The following BRMS1L variants were observed in gnomAD, a reference collection of about 807,000 sequenced individuals.
BRMS1L encodes the protein BRMS1 like transcriptional repressor.
In BRMS1L, 23 loss-of-function variants were observed where a neutral mutation model predicts 50.3. The ratio of observed to expected loss-of-function variants is 0.46; its 90% confidence interval spans 0.33 to 0.65. The LOEUF (loss-of-function observed/expected upper bound fraction) is 0.65, where lower values mean the gene tolerates loss of function less well. Ranked by LOEUF, BRMS1L falls within the 30% of genes least tolerant of loss-of-function variation. The pLI, the probability that BRMS1L is intolerant of heterozygous loss-of-function variation, is 0.02. For synonymous variants in BRMS1L, 114 were observed against 126.9 expected, an observed-to-expected ratio of 0.90 and a Z score of 0.69; for missense variants, 286 against 386.1, an observed-to-expected ratio of 0.74 and a Z score of 2.17.
chr14:35,839,804 G>A lies in BRMS1L; in HGVS notation c.441+4881G>A, dbSNP rs753532146. Among the ~76,000 whole-genome samples, 22 of 152,204 alleles carry A rather than the reference G, an allele frequency of 1.4e-4. 1 individual carries two copies. Among genetic ancestry groups the A allele is most frequent in the Middle Eastern group, 3.4e-3 (1 of 294 alleles). ...GATGGGGTTATCTAAATATACAATCGTGTCATCTGCAAACAGACAATTTGA... is the reference window on the plus strand; with the variant it reads ...GATGGGGTTATCTAAATATACAATCATGTCATCTGCAAACAGACAATTTGA... On this transcript the variant is annotated intron_variant, in intron 4 of 9. Coordinates refer to ENST00000216807, the MANE Select transcript of BRMS1L (RefSeq NM_032352.4).
chr14:35,847,528 T>G (rs895279127), intron 4 of BRMS1L, among the ~76,000 whole-genome samples: 2 of 152,164 alleles, frequency 1.3e-5, no homozygotes, highest in African/African-American at 2.4e-5. Flanking sequence ...TTTCCTTCTT[T>G]ATTTCCTAAA....
rs1026045334 is a variant in BRMS1L, at chr14:35,864,075, A to G, written c.622+122A>G. 3.9e-6 allele frequency: 3 copies of G among 767,988 alleles called. No homozygotes were observed. The Admixed American group carries it at 7.8e-5, about 20-fold the overall frequency. The allele number at this position is 767,988 out of a possible 1,614,324, so 47.6% of individuals were successfully genotyped here. ...TGCATGATCCTGTAATAAGCAAAAG[A>G]TGATTTATTTATAAAACCGATTGAA... On this transcript the variant is annotated intron_variant, in intron 6 of 9. Transcript: ENST00000216807.
At chr14:35,832,505 C>CAAA (rs3058640) in intron 2 of BRMS1L, among the ~76,000 whole-genome samples, 22,548 of 115,790 alleles carry the variant, frequency 0.19, 1,837 homozygotes, top group East Asian at 0.36. Context: ...GACTCCGTCT[C>CAAA]AAAAAAAAAA....
At chr14:35,853,247 T>A (rs1247089890) in intron 4 of BRMS1L, among the ~76,000 whole-genome samples, 1 of 152,124 alleles carries the variant, frequency 6.6e-6, no homozygotes, top group Non-Finnish European at 1.5e-5. Flanking sequence ...TTAAAACCTT[T>A]TTTTCTGGCC....
At chr14:35,859,218 A>G (rs769146425) in intron 4 of BRMS1L, among the ~76,000 whole-genome samples, 3 of 152,096 alleles carry the variant, frequency 2.0e-5, no homozygotes, top group Non-Finnish European at 4.4e-5. Flanking sequence ...TGCTGGGAGT[A>G]TAGGCGTGAG....
At chr14:35,838,278 AG>A (rs2078019271) in intron 4 of BRMS1L, among the ~76,000 whole-genome samples, 2 of 152,166 alleles carry the variant, frequency 1.3e-5, no homozygotes, top group South Asian at 4.1e-4. Context: ...TTTCATTGAT[AG>A]ACATTTGGGT....
chr14:35,835,253 C>A (rs1225565128), intron 4 of BRMS1L, among the ~76,000 whole-genome samples: 1 of 152,110 alleles, frequency 6.6e-6, no homozygotes, highest in Non-Finnish European at 1.5e-5. Context: ...GAAATATACA[C>A]TCAATGGTGC....
chr14:35,853,695 G>C (rs951120255), intron 4 of BRMS1L, among the ~76,000 whole-genome samples: 4 of 152,110 alleles, frequency 2.6e-5, no homozygotes, highest in Non-Finnish European at 5.9e-5. Context: ...CCAAAGTGCT[G>C]GGATTATAGG....
At chr14:35,838,047 C>T (rs879592407) in intron 4 of BRMS1L, among the ~76,000 whole-genome samples, 6 of 152,066 alleles carry the variant, frequency 3.9e-5, no homozygotes, top group Admixed American at 2.0e-4. Flanking sequence ...CCACAGGCCT[C>T]GGTGTGTGAT....
chr14:35,850,475 C>T (rs1287624765), intron 4 of BRMS1L, among the ~76,000 whole-genome samples: 1 of 152,132 alleles, frequency 6.6e-6, no homozygotes, highest in Non-Finnish European at 1.5e-5. Flanking sequence ...GGATTACAGG[C>T]GTGAGCCACT....
chr14:35,867,607 C>A (rs2078438283), intron 8 of BRMS1L, among the ~76,000 whole-genome samples: 1 of 152,174 alleles, frequency 6.6e-6, no homozygotes, highest in African/African-American at 2.4e-5. Flanking sequence ...TTAAATACTA[C>A]TTAAAATTCA....
intron 5 of BRMS1L, 102 bp downstream of exon 5, chr14:35,862,788 A>G: frequency 1.8e-6 from 1 of 552,474 alleles, no homozygotes; most frequent in East Asian, 3.6e-5. Context: ...TATTATGTAA[A>G]TGAAATGTCC....
chr14:35,853,647 G>A (rs1360829347), intron 4 of BRMS1L, among the ~76,000 whole-genome samples: 4 of 151,926 alleles, frequency 2.6e-5, no homozygotes, highest in Non-Finnish European at 5.9e-5. Context: ...GCTGGGTCTT[G>A]AGCTCCTGGG....
intron 1 of BRMS1L, chr14:35,826,872 G>T (rs1805517428): frequency 6.3e-6 from 4 of 638,690 alleles, no homozygotes; most frequent in South Asian, 4.4e-5. Context: ...GCGGGCCTGG[G>T]CTTGTCCAGC....
At chr14:35,845,202 C>T (rs1266559715) in intron 4 of BRMS1L, among the ~76,000 whole-genome samples, 5 of 152,106 alleles carry the variant, frequency 3.3e-5, no homozygotes, top group Admixed American at 2.0e-4. Context: ...TTATTCTCAT[C>T]TTCCTCTTAT....
chr14:35,834,762 A>G, intron 3 of BRMS1L, 82 bp from the exon 4 acceptor site: 1 of 944,700 alleles, frequency 1.1e-6, no homozygotes. Flanking sequence ...TATTAAATAC[A>G]GTGAGGACAG....
chr14:35,839,954 C>A (rs2078041965), intron 4 of BRMS1L, among the ~76,000 whole-genome samples: 1 of 152,140 alleles, frequency 6.6e-6, no homozygotes, highest in Non-Finnish European at 1.5e-5. Flanking sequence ...TGCCGGTTTT[C>A]AAAGGGATTG....
intron 4 of BRMS1L, among the ~76,000 whole-genome samples, chr14:35,857,329 G>A (rs2078294970): frequency 6.6e-6 from 1 of 150,466 alleles, no homozygotes; most frequent in Non-Finnish European, 1.5e-5. Context: ...GTTGTTAGTA[G>A]GTAATGTGTG....
In BRMS1L at chr14:35,870,536, G is replaced by A. The variant is rs1488974741; in HGVS notation, c.*59G>A. 1.8e-5 allele frequency: 19 copies of A among 1,038,274 alleles called. No individual in the cohort carries two copies. Among genetic ancestry groups the A allele is most frequent in the Non-Finnish European group, 2.8e-5 (19 of 688,904 alleles). The allele number at this position is 1,038,274 out of a possible 1,614,324, so 64.3% of individuals were successfully genotyped here. The stretch of plus-strand genomic sequence containing the variant: ...TAGTGTTACCAAATGTAAGTGCCAT[G>A]AGAGTAAAAAAATGTATTCAATAAC... On this transcript the variant is annotated 3_prime_UTR_variant, in exon 10 of 10. Coordinates refer to ENST00000216807, the MANE Select transcript of BRMS1L (RefSeq NM_032352.4).
Sources: gnomAD v4.1 joint callset for allele counts (sites outside exome capture counted in the v4.1 genomes callset) on GRCh38, gnomAD v4.1.1 for gene constraint, MANE v1.5 for transcripts, NCBI Gene and HGNC (gene_info 2026-07-23, HGNC 2026-07-21) for gene names.